HPS4: variants seen among roughly 807,000 people sequenced by gnomAD.
The protein encoded by HPS4 is HPS4 biogenesis of lysosomal organelles complex 3 subunit 2.
In HPS4, 44 loss-of-function variants were observed where a neutral mutation model predicts 70.3. The ratio of observed to expected loss-of-function variants is 0.63; its 90% CI spans 0.49 to 0.80. HPS4 has a LOEUF of 0.80. Ranked by LOEUF, HPS4 falls within the 30% of genes least tolerant of loss-of-function variation. The pLI is 0.00. For synonymous variants in HPS4, 377 were observed against 355.9 expected (o/e 1.06, Z -0.67); for missense variants, 873 against 884.4 (o/e 0.99, Z 0.16).
At chr22:26,459,007 A>G (rs2086738772) in intron 11 of HPS4, among the ~76,000 whole-genome samples, 1 of 152,166 alleles carries the variant, frequency 6.6e-6, no homozygotes, top group African/African-American at 2.4e-5. Flanking sequence ...TCATTTCACC[A>G]TCCAGTAATA....
At chr22:26,473,978 T>A (rs758550282) in intron 4 of HPS4, among the ~76,000 whole-genome samples, 5 of 152,208 alleles carry the variant, frequency 3.3e-5, no homozygotes, top group Admixed American at 1.3e-4. Context: ...ATCCAAGAGC[T>A]TACAACAGTC....
At chr22:26,465,631 G>A (rs1009601487) in intron 9 of HPS4, 80 bp from the exon 10 acceptor site, 3 of 1,163,580 alleles carry the variant, frequency 2.6e-6, no homozygotes, top group South Asian at 1.2e-5. Context: ...CTGGCGTGAT[G>A]CATCCAACCC....
chr22:26,463,188 C>A (rs1201525805), intron 11 of HPS4, among the ~76,000 whole-genome samples: 1 of 152,190 alleles, frequency 6.6e-6, no homozygotes, highest in Non-Finnish European at 1.5e-5. Context: ...CAGGGAAGGT[C>A]AGTTTACCAC....
At chr22:26,443,183 T>G, downstream of HPS4, 1 of 1,614,138 alleles carries the variant, frequency 6.2e-7, no homozygotes, top group Non-Finnish European at 8.5e-7. Context: ...GGCTCTTGAT[T>G]TCATCTTTGC....
In HPS4 at chr22:26,451,080, T is replaced by C. The variant is rs2085151272; in HGVS notation, c.*2153A>G. Among the ~76,000 whole-genome samples the C allele has an allele frequency of 6.6e-6, 1 of 152,216 alleles. No individual in the cohort carries two copies. Among genetic ancestry groups the C allele is most frequent in the South Asian group, 2.1e-4 (1 of 4,834 alleles). On this transcript the variant is annotated 3_prime_UTR_variant, in exon 14 of 14. Coordinates refer to ENST00000398145, the MANE Select transcript of HPS4 (RefSeq NM_022081.6). ...ATCTGTGGTCCTGGATCACTGACAG[T>C]GGCACTCGGTGTCAACTAGGAGTCC...
In HPS4 at chr22:26,477,102, T is replaced by C. The variant is rs367800640; in HGVS notation, c.167A>G (p.Gln56Arg). ...LLDQQELLCG[Q>R]IAGVVRCVSD... Reference sequence around the variant, plus strand: ...AACACAGCGGACAACTCCAGCAATCTGTCCACAAAGCAACTCCTGTTGGTC... The same window carrying C: ...AACACAGCGGACAACTCCAGCAATCCGTCCACAAAGCAACTCCTGTTGGTC... Residue 56 changes from glutamine (Q) to arginine (R), a missense_variant, in exon 4 of 14, where the codon CAG (glutamine) becomes CGG (arginine). Gln to Arg is a conservative substitution (Grantham distance 43, BLOSUM62 1). Transcript: ENST00000398145. 1.2e-6 allele frequency: 2 copies of C among 1,614,182 alleles called. No individual in the cohort carries two copies. Among genetic ancestry groups the C allele is most frequent in the South Asian group, 1.1e-5 (1 of 91,084 alleles).
rs776157678 is a variant in HPS4, at chr22:26,458,586, G to C, written c.1714-9C>G. Reference sequence around the variant, plus strand: ...GCCAGGCTGCTGTGGTACTGCAAAGGGGGAGAGGGTCATGGGCTTGTAGGG... The same window carrying C: ...GCCAGGCTGCTGTGGTACTGCAAAGCGGGAGAGGGTCATGGGCTTGTAGGG... On this transcript the variant is annotated splice_polypyrimidine_tract_variant and intron_variant, in intron 11 of 13. Transcript: ENST00000398145. 4 of 1,613,932 alleles carry C rather than the reference G, an allele frequency of 2.5e-6. No individual in the cohort carries two copies. The highest frequency in any genetic ancestry group is 1.7e-5 in the Admixed American group (1 of 60,006).
chr22:26,457,933 G>A lies in HPS4; in HGVS notation c.1881C>T (p.Arg627=). 3 of 1,614,110 alleles carry A rather than the reference G, an allele frequency of 1.9e-6. No homozygotes were observed. The highest frequency in any genetic ancestry group is 3.3e-4 in the Middle Eastern group (2 of 6,062). The change falls in exon 13 of 14, where the codon CGC becomes CGT. Residue 627 remains arginine, a synonymous_variant. Transcript: ENST00000398145. Reference sequence around the variant, plus strand: ...TCAGGCTGACGGCCTGGAGGAAGCGGCGATCCTGCGGGGTGGCCACCTGCG... The same window carrying A: ...TCAGGCTGACGGCCTGGAGGAAGCGACGATCCTGCGGGGTGGCCACCTGCG... ...NLPQVATPQD[R]RFLQAVSLMH... is the part of the protein sequence containing the mutation.
chr22:26,469,328 G>T (rs75751483), intron 7 of HPS4, among the ~76,000 whole-genome samples: 1 of 150,814 alleles, frequency 6.6e-6, no homozygotes, highest in African/African-American at 2.4e-5. Context: ...AGGTGTGGTA[G>T]CAAGTGCTTG....
chr22:26,452,359 AG>A lies in HPS4; in HGVS notation c.*873del, dbSNP rs1406262458. 2.2e-6 allele frequency: 1 copy of A among 456,758 alleles called. No individual in the cohort carries two copies. Among genetic ancestry groups the A allele is most frequent in the Non-Finnish European group, 4.4e-6 (1 of 226,966 alleles). 28.3% of individuals were successfully genotyped at this position (456,758 alleles called of 1,614,324 possible). A position where few individuals can be genotyped will look rare whatever the true frequency, so the allele number is the denominator to read the frequency against. On this transcript the variant is annotated 3_prime_UTR_variant, in exon 14 of 14. Coordinates refer to ENST00000398145, the MANE Select transcript of HPS4 (RefSeq NM_022081.6). ...GAGGTTCTAAGTACCACACAAGCCC[AG>A]GAACACACAGCTGAGTGTCGCTCCC...
Position 26,452,638 on chromosome 22 carries a change from C to G in HPS4, c.*595G>C. 1 of 261,934 alleles carries G rather than the reference C, an allele frequency of 3.8e-6. No homozygotes were observed. The highest frequency in any genetic ancestry group is 3.9e-5 in the South Asian group (1 of 25,368). The allele number at this position is 261,934 out of a possible 1,614,324, so 16.2% of individuals were successfully genotyped here. A position where few individuals can be genotyped will look rare whatever the true frequency, so the allele number is the denominator to read the frequency against. On this transcript the variant is annotated 3_prime_UTR_variant, in exon 14 of 14. Transcript: ENST00000398145. ...CATTGTGGGTCCAAAGAAGACGCCCCTAGATTTGAGTAGAGTTCCAACAGA... is the reference window on the plus strand; with the variant it reads ...CATTGTGGGTCCAAAGAAGACGCCCGTAGATTTGAGTAGAGTTCCAACAGA...
chr22:26,468,766 G>A (rs2089222998), intron 7 of HPS4, 143 bp from the exon 8 acceptor site: 2 of 738,088 alleles, frequency 2.7e-6, no homozygotes, highest in Non-Finnish European at 4.9e-6. Context: ...AACCCTTACA[G>A]AGGGCACTCT....
In HPS4 at chr22:26,453,111, T is replaced by C; in HGVS notation, c.*122A>G. 1 of 1,077,040 alleles carries C rather than the reference T, an allele frequency of 9.3e-7. No homozygotes were observed. The allele number at this position is 1,077,040 out of a possible 1,614,324, so 66.7% of individuals were successfully genotyped here. On this transcript the variant is annotated 3_prime_UTR_variant, in exon 14 of 14. Coordinates refer to ENST00000398145, the MANE Select transcript of HPS4 (RefSeq NM_022081.6). ...AAAAGGAATAACAAAAACTCAAATA[T>C]CATTTGGTTCCTAAAAAAGGGAATG...
downstream of HPS4, among the ~76,000 whole-genome samples, chr22:26,449,644 A>G (rs2085074953): frequency 8.2e-6 from 1 of 121,312 alleles, no homozygotes; most frequent in Non-Finnish European, 1.9e-5. Flanking sequence ...TCCCCTGCTT[A>G]AAGGCTCCCC....
intron 1 of HPS4, chr22:26,482,708 G>C (rs888571174): frequency 6.6e-6 from 1 of 152,162 alleles, no homozygotes; most frequent in Non-Finnish European, 1.5e-5. Context: ...CCCTGGCATC[G>C]TTTACTCTAC....
At position 26,464,354 on chromosome 22, in the gene HPS4, G is replaced by A. The variant is rs777491163; in HGVS notation, c.1276C>T (p.Arg426Cys). Reference protein sequence around the residue: ...PPEDTAISSLRPPSAPEMLTQ... With the variant: ...PPEDTAISSLCPPSAPEMLTQ... Reference sequence around the variant, plus strand: ...AGCATCTCAGGAGCAGAGGGAGGGCGCAAGCTGCTGATGGCTGTGTCCTCA... The same window carrying A: ...AGCATCTCAGGAGCAGAGGGAGGGCACAAGCTGCTGATGGCTGTGTCCTCA... The change falls in exon 11 of 14, where the codon CGC becomes TGC. Residue 426 changes from arginine (R) to cysteine (C), a missense_variant. By Grantham distance (180) the Arg-to-Cys change is radical. Coordinates refer to ENST00000398145, the MANE Select transcript of HPS4 (RefSeq NM_022081.6). 13 of 1,614,006 alleles carry A rather than the reference G, an allele frequency of 8.1e-6. No individual in the cohort carries two copies. The highest frequency in any genetic ancestry group is 1.7e-5 in the Admixed American group (1 of 60,006).
chr22:26,444,756 C>T (rs577958463), intron 3 of HPS4: 3 of 152,144 alleles, frequency 2.0e-5, no homozygotes, highest in Non-Finnish European at 2.9e-5. Flanking sequence ...GCAAAGAGCA[C>T]GTCTACATTT....
At chr22:26,457,111 T>C (rs1451608365) in intron 13 of HPS4, among the ~76,000 whole-genome samples, 2 of 151,828 alleles carry the variant, frequency 1.3e-5, no homozygotes, top group East Asian at 3.9e-4. Flanking sequence ...AACTGTAAAA[T>C]GTGGTTATTT....
In HPS4 at chr22:26,452,769, C is replaced by T. The variant is rs1021754829; in HGVS notation, c.*464G>A. On this transcript the variant is annotated 3_prime_UTR_variant, in exon 14 of 14. Coordinates refer to ENST00000398145, the MANE Select transcript of HPS4 (RefSeq NM_022081.6). ...CCTACCTGCGGCGTGGGAGTGGAGTCGGCCTGCTCACAGATCCGGCACCTC... is the reference window on the plus strand; with the variant it reads ...CCTACCTGCGGCGTGGGAGTGGAGTTGGCCTGCTCACAGATCCGGCACCTC... 3.2e-5 allele frequency: 8 copies of T among 247,654 alleles called. No homozygotes were observed. Among genetic ancestry groups the T allele is most frequent in the Non-Finnish European group, 5.6e-5 (7 of 125,146 alleles). 15.3% of individuals were successfully genotyped at this position (247,654 alleles called of 1,614,324 possible).
Sources: allele counts gnomAD v4.1 joint callset (sites outside exome capture counted in the v4.1 genomes callset), GRCh38; gene constraint gnomAD v4.1.1; transcripts MANE v1.5; gene names NCBI Gene and HGNC (gene_info 2026-07-23, HGNC 2026-07-21).